Variants in CADM2 observed in about 807,000 individuals in gnomAD.
The protein encoded by CADM2 is immunoglobulin superfamily member 4D.
In CADM2, 12 loss-of-function variants were observed where a neutral mutation model predicts 49.8. The ratio of observed to expected loss-of-function variants is 0.24; its 90% CI spans 0.15 to 0.39. The LOEUF is 0.39. CADM2 is among the 10% of genes least tolerant of loss of function. The probability of loss-of-function intolerance (pLI) is 1.00; values close to 1 mark genes in which losing one functional copy is unlikely to be tolerated. For missense variants in CADM2, 378 were observed against 492.3 expected, an observed-to-expected ratio of 0.77 and a Z score of 2.20; for synonymous variants, 214 against 175.4, an observed-to-expected ratio of 1.22 and a Z score of -1.74.
chr3:85,592,476 C>T (rs763609548), intron 1 of CADM2, among the ~76,000 whole-genome samples: 6 of 151,900 alleles, frequency 3.9e-5, no homozygotes, highest in Admixed American at 1.3e-4. Flanking sequence ...ATTACTGTAA[C>T]CACAGACTTA....
intron 1 of CADM2, among the ~76,000 whole-genome samples, chr3:85,574,986 A>G (rs1265814252): frequency 2.0e-5 from 3 of 152,104 alleles, no homozygotes; most frequent in African/African-American, 7.2e-5. Context: ...AGACTATAGG[A>G]GAGTGAGTCA....
chr3:85,600,199 A>G lies in CADM2; in HGVS notation c.62-126323A>G, dbSNP rs1000243990. Among the ~76,000 whole-genome samples, 5 of 151,930 alleles carry G rather than the reference A, an allele frequency of 3.3e-5. No individual in the cohort carries two copies. In the Admixed American group the frequency reaches 3.3e-4, roughly 10 times the overall value. On this transcript the variant is annotated intron_variant, in intron 1 of 9. Coordinates refer to ENST00000383699, the MANE Select transcript of CADM2 (RefSeq NM_001167675.2). ...CATTTTTATATGTTTGAATGCCAAA[A>G]TGTACCCTGCCTCTCCACAATAATC...
chr3:85,364,905 C>CA (rs869108303), intron 1 of CADM2, among the ~76,000 whole-genome samples: 1 of 131,878 alleles, frequency 7.6e-6, no homozygotes, highest in African/African-American at 2.5e-5. Context: ...ACAACAACAA[C>CA]AATAAACTAG....
At chr3:85,076,303 T>TTGTGTGTGGGTG (rs1553679925) in intron 1 of CADM2, among the ~76,000 whole-genome samples, 2 of 139,256 alleles carry the variant, frequency 1.4e-5, no homozygotes, top group African/African-American at 5.4e-5. Context: ...AAAAAAGAAA[T>TTGTGTGTGGGTG]TGTGTGTGTG....
chr3:86,038,060 C>T (rs995104889), intron 8 of CADM2, among the ~76,000 whole-genome samples: 1 of 152,104 alleles, frequency 6.6e-6, no homozygotes, highest in East Asian at 1.9e-4. Flanking sequence ...TTGTTCACCT[C>T]CCACTTATGA....
intron 1 of CADM2, among the ~76,000 whole-genome samples, chr3:85,194,557 C>T (rs1378209191): frequency 6.6e-6 from 1 of 151,818 alleles, no homozygotes; most frequent in African/African-American, 2.4e-5. Flanking sequence ...GCCTATATTT[C>T]ACTAGAGTGT....
At chr3:85,572,494 C>T (rs536693916) in intron 1 of CADM2, among the ~76,000 whole-genome samples, 3 of 152,132 alleles carry the variant, frequency 2.0e-5, no homozygotes, top group African/African-American at 7.2e-5. Context: ...GAAGAGGTAA[C>T]TTATTAGGGA....
In CADM2 at chr3:85,279,363, T is replaced by G. The variant is rs1008075298; in HGVS notation, c.61+319695T>G. Among the ~76,000 whole-genome samples the G allele has an allele frequency of 9.2e-5, 14 of 151,688 alleles. No homozygotes were observed. In the South Asian group the frequency reaches 1.5e-3, roughly 16 times the overall value. ...AAAGTGAAGATGTTTAAAGAAAACA[T>G]TTCTTGAAAATGCTTTTATTAATCA... is the stretch of plus-strand genomic sequence containing the variant. On this transcript the variant is annotated intron_variant, in intron 1 of 9. Coordinates refer to ENST00000383699, the MANE Select transcript of CADM2 (RefSeq NM_001167675.2).
chr3:85,714,012 C>G (rs757640526), intron 1 of CADM2, among the ~76,000 whole-genome samples: 37 of 152,170 alleles, frequency 2.4e-4, no homozygotes, highest in Admixed American at 1.6e-3. Context: ...TCAAGCTCCT[C>G]TTTGGGGAGA....
intron 8 of CADM2, among the ~76,000 whole-genome samples, chr3:85,986,974 T>C (rs1331823507): frequency 6.6e-6 from 1 of 152,038 alleles, no homozygotes; most frequent in Non-Finnish European, 1.5e-5. Flanking sequence ...AGTGCTAAAG[T>C]TTTTATTTAT....
chr3:85,842,888 C>T (rs1220880588), intron 3 of CADM2, among the ~76,000 whole-genome samples: 1 of 151,982 alleles, frequency 6.6e-6, no homozygotes, highest in Non-Finnish European at 1.5e-5. Flanking sequence ...AGTTATTTAG[C>T]ATTGATTCCT....
chr3:85,873,088 C>A (rs1352838618), intron 3 of CADM2, among the ~76,000 whole-genome samples: 2 of 152,102 alleles, frequency 1.3e-5, no homozygotes, highest in Non-Finnish European at 2.9e-5. Flanking sequence ...AAGGGCACTT[C>A]CCAAAACTTC....
At chr3:85,390,437 C>A (rs1294821613) in intron 1 of CADM2, among the ~76,000 whole-genome samples, 7 of 151,988 alleles carry the variant, frequency 4.6e-5, no homozygotes, top group Non-Finnish European at 8.8e-5. Flanking sequence ...TGCTATATAT[C>A]TATATCTCAG....
chr3:85,827,329 A>G (rs1331112041), intron 3 of CADM2, among the ~76,000 whole-genome samples: 1 of 151,978 alleles, frequency 6.6e-6, no homozygotes, highest in East Asian at 1.9e-4. Context: ...AGAAAATTAT[A>G]ATAGCTGTCA....
intron 2 of CADM2, among the ~76,000 whole-genome samples, chr3:85,791,597 G>A (rs958660226): frequency 3.4e-5 from 5 of 149,142 alleles, no homozygotes; most frequent in African/African-American, 7.4e-5. Context: ...CAGAGAGAGA[G>A]AAAACAAAAA....
chr3:85,983,918 A>T lies in CADM2; in HGVS notation c.970+22271A>T, dbSNP rs185154576. On this transcript the variant is annotated intron_variant, in intron 8 of 9. Coordinates refer to ENST00000383699, the MANE Select transcript of CADM2 (RefSeq NM_001167675.2). ...AAGTATTCTTAATCTATATCATTTT[A>T]ATTGTTTCAGCTTTTGGAAATTGCG... Among the ~76,000 whole-genome samples, 420 of 151,180 alleles carry T rather than the reference A, an allele frequency of 2.8e-3. 1 individual carries two copies. Among genetic ancestry groups the T allele is most frequent in the African/African-American group, 9.8e-3 (405 of 41,358 alleles).
rs541531109 is a variant in CADM2 at position 85,153,881 on chromosome 3, G to C, written c.61+194213G>C. Among the ~76,000 whole-genome samples, 6 of 152,260 alleles carry C rather than the reference G, an allele frequency of 3.9e-5. No homozygotes were observed. The South Asian group carries it at 8.3e-4, about 21-fold the overall frequency. Reference sequence around the variant, plus strand: ...CAACAGACCTGCAGCTGAGGGTCCTGACTGTTAGAAGGAAAACTAACAAAC... The same window carrying C: ...CAACAGACCTGCAGCTGAGGGTCCTCACTGTTAGAAGGAAAACTAACAAAC... On this transcript the variant is annotated intron_variant, in intron 1 of 9. Coordinates refer to ENST00000383699, the MANE Select transcript of CADM2 (RefSeq NM_001167675.2).
At chr3:85,105,229 G>A (rs1484183776) in intron 1 of CADM2, among the ~76,000 whole-genome samples, 1 of 151,954 alleles carries the variant, frequency 6.6e-6, no homozygotes, top group Non-Finnish European at 1.5e-5. Flanking sequence ...AATCTACAAT[G>A]AACTCAAACA....
intron 1 of CADM2, among the ~76,000 whole-genome samples, chr3:85,422,054 C>CAT (rs1429377473): frequency 6.6e-6 from 1 of 152,138 alleles, no homozygotes; most frequent in African/African-American, 2.4e-5. Flanking sequence ...TTTGTGTGTA[C>CAT]ATATATATTG....
Sources: allele counts gnomAD v4.1 joint callset (sites outside exome capture counted in the v4.1 genomes callset), GRCh38; gene constraint gnomAD v4.1.1; transcripts MANE v1.5; gene names NCBI Gene and HGNC (gene_info 2026-07-23, HGNC 2026-07-21).